The following PRKDC variants were observed in gnomAD, a reference collection of about 807,000 sequenced individuals.
PRKDC encodes DNA-dependent protein kinase catalytic subunit.
PRKDC carries 82 observed loss-of-function variants against 486.9 expected under a neutral mutation model. That is an observed-to-expected ratio of 0.17 (90% CI 0.14 to 0.20). The LOEUF is 0.20. Among genes scored for constraint, PRKDC ranks in the 10% least tolerant of loss-of-function variants. PRKDC has a pLI of 1.00. For synonymous variants in PRKDC, 1,895 were observed against 1,837.0 expected, an observed-to-expected ratio of 1.03 and a Z score of -0.81; for missense variants, 4,504 against 5,038.2, an observed-to-expected ratio of 0.89 and a Z score of 3.21.
chr8:47,862,503 T>C lies in PRKDC; in HGVS notation c.5789A>G (p.Glu1930Gly). Residue 1930 changes from glutamate (E) to glycine (G), a missense_variant, in exon 43 of 86, where the codon GAG becomes GGG. Coordinates refer to ENST00000314191, the MANE Select transcript of PRKDC (RefSeq NM_006904.7). The stretch of plus-strand genomic sequence containing the variant: ...TCTTCTCCTCTCCAGCAGCTGATTC[T>C]CTCCTGCCATGTTCTCTGTAAATGC... Reference protein sequence around the residue: ...YDAFTENMAGENQLLERRRLY... With the variant: ...YDAFTENMAGGNQLLERRRLY... The C allele has an allele frequency of 6.2e-7, 1 of 1,613,366 alleles. No individual in the cohort carries two copies. Among genetic ancestry groups the C allele is most frequent in the Non-Finnish European group, 8.5e-7 (1 of 1,179,560 alleles).
At chr8:47,898,703 C>A in intron 28 of PRKDC, 134 bp from the exon 29 acceptor site, 1 of 515,476 alleles carries the variant, frequency 1.9e-6, no homozygotes, top group East Asian at 3.2e-5. Context: ...ATGTTTTCAT[C>A]CCTAAGAATA....
chr8:47,774,858 G>A (rs906616423), intron 85 of PRKDC, among the ~76,000 whole-genome samples: 4 of 151,876 alleles, frequency 2.6e-5, no homozygotes, highest in Non-Finnish European at 4.4e-5. Context: ...GAACTCCCGG[G>A]CTCTAGTTAT....
At chr8:47,810,634 G>A (rs1306795720) in intron 68 of PRKDC, among the ~76,000 whole-genome samples, 1 of 152,124 alleles carries the variant, frequency 6.6e-6, no homozygotes, top group African/African-American at 2.4e-5. Context: ...GATCATACAA[G>A]GACCTTAAAG....
Position 47,951,426 on chromosome 8 carries a change from T to G in PRKDC, c.721+2194A>C, listed in dbSNP as rs145292671. 1.9e-4 allele frequency among the ~76,000 whole-genome samples: 28 copies of G among 150,946 alleles called. 3 individuals are homozygous for G. The highest frequency in any genetic ancestry group is 6.6e-4 in the African/African-American group (27 of 40,986). On this transcript the variant is annotated intron_variant, in intron 7 of 85. Transcript: ENST00000314191. Reference sequence around the variant, plus strand: ...TGCAACTCATGTATCATGTATCTGTTAAGAAACTGGTATCTGGCTAGGCAC... The same window carrying G: ...TGCAACTCATGTATCATGTATCTGTGAAGAAACTGGTATCTGGCTAGGCAC...
intron 7 of PRKDC, among the ~76,000 whole-genome samples, chr8:47,953,368 G>A (rs1280045286): frequency 2.6e-5 from 4 of 152,194 alleles, no homozygotes. Context: ...ACAAATGTGT[G>A]CACGTTAAAC....
chr8:47,828,068 G>T, intron 62 of PRKDC, 100 bp downstream of exon 62: 1 of 1,164,766 alleles, frequency 8.6e-7, no homozygotes, highest in East Asian at 2.5e-5. Context: ...TAAACACCAG[G>T]TTATCAAGAG....
At chr8:47,862,321 T>C in intron 43 of PRKDC, 52 bp downstream of exon 43, 2 of 1,536,268 alleles carry the variant, frequency 1.3e-6, no homozygotes, top group South Asian at 2.3e-5. Context: ...TGATATAATC[T>C]AACTTTTGAA....
chr8:47,932,382 C>CT (rs1162885997), intron 16 of PRKDC, among the ~76,000 whole-genome samples: 1 of 149,584 alleles, frequency 6.7e-6, no homozygotes, highest in East Asian at 2.0e-4. Context: ...CGCGCCTGGC[C>CT]TTTTTTTGTA....
chr8:47,816,692 A>G (rs1484904967), intron 68 of PRKDC, among the ~76,000 whole-genome samples: 1 of 152,202 alleles, frequency 6.6e-6, no homozygotes, highest in Non-Finnish European at 1.5e-5. Context: ...AGAAAAAAAT[A>G]CAAATACTAA....
chr8:47,953,924 A>G lies in PRKDC; in HGVS notation c.509-5T>C, dbSNP rs2090664039. 2 of 1,511,668 alleles carry G rather than the reference A, an allele frequency of 1.3e-6. No individual in the cohort carries two copies. The highest frequency in any genetic ancestry group is 1.8e-6 in the Non-Finnish European group (2 of 1,121,378). The allele number at this position is 1,511,668 out of a possible 1,614,324, so 93.6% of individuals were successfully genotyped here. A position where few individuals can be genotyped will look rare whatever the true frequency, so the allele number is the denominator to read the frequency against. On this transcript the variant is annotated splice_polypyrimidine_tract_variant and splice_region_variant and intron_variant, in intron 5 of 85. Transcript: ENST00000314191. ...GCTCATATACTTTTTCTAAAACTGA[A>G]AAGAAAATTTTAGACAAGTGAAGGC...
chr8:47,939,448 G>C, intron 11 of PRKDC, 103 bp downstream of exon 11: 2 of 1,313,968 alleles, frequency 1.5e-6, no homozygotes, highest in Non-Finnish European at 2.1e-6. Flanking sequence ...AGGGTCTACT[G>C]TATTGTTACA....
At chr8:47,944,075 C>T in intron 7 of PRKDC, 46 bp from the exon 8 acceptor site, 1 of 1,437,218 alleles carries the variant, frequency 7.0e-7, no homozygotes, top group Non-Finnish European at 9.6e-7. Flanking sequence ...ATAACAGTAT[C>T]ACATAACACA....
chr8:47,938,359 C>A (rs2090388600), intron 11 of PRKDC, among the ~76,000 whole-genome samples: 1 of 148,584 alleles, frequency 6.7e-6, no homozygotes, highest in Admixed American at 6.8e-5. Flanking sequence ...TGTGGTGAGC[C>A]GAGGTCATGC....
In PRKDC at chr8:47,821,646, G is replaced by A. The variant is rs372872388; in HGVS notation, c.9069C>T (p.Asn3023=). 11 of 1,602,632 alleles carry A rather than the reference G, an allele frequency of 6.9e-6. No homozygotes were observed. The highest frequency in any genetic ancestry group is 8.5e-7 in the Non-Finnish European group (1 of 1,173,680). Residue 3023 remains asparagine (N), a synonymous_variant, in exon 65 of 86, where the codon AAC becomes AAT. Transcript: ENST00000314191. Reference sequence around the variant, plus strand: ...TCCAGATTTTATTTAGGTCTGGGGGGTTCTCACTGTCTATACTGGCTGTAG... The same window carrying A: ...TCCAGATTTTATTTAGGTCTGGGGGATTCTCACTGTCTATACTGGCTGTAG... ...YCSTASIDSE[N]PPDLNKIWSE...
At chr8:47,927,569 T>C (rs1030849995) in intron 20 of PRKDC, among the ~76,000 whole-genome samples, 2 of 152,112 alleles carry the variant, frequency 1.3e-5, no homozygotes, top group Non-Finnish European at 2.9e-5. Context: ...CAGGTTTAAC[T>C]CTCACATCGA....
intron 40 of PRKDC, among the ~76,000 whole-genome samples, chr8:47,865,124 ACGCCTGTAAT>A (rs1563774357): frequency 9.2e-5 from 14 of 152,138 alleles, no homozygotes; most frequent in African/African-American, 3.4e-4. Context: ...GTGGTGGCTC[ACGCCTGTAAT>A]CCCAGCACTT....
Position 47,821,045 on chromosome 8 carries a change from G to T in PRKDC, c.9112-102C>A, listed in dbSNP as rs372572622. The T allele has an allele frequency of 7.0e-6, 5 of 711,852 alleles. No homozygotes were observed. In the African/African-American group the frequency reaches 7.2e-5, roughly 10 times the overall value. The allele number at this position is 711,852 out of a possible 1,614,324, so 44.1% of individuals were successfully genotyped here. ...TCTTTGCTATACTTTCACAGGTCAA[G>T]ATTTAAAGTCAAAGCGATGATGTTT... On this transcript the variant is annotated intron_variant, in intron 65 of 85. Transcript: ENST00000314191.
chr8:47,803,412 C>A lies in PRKDC; in HGVS notation c.9816G>T (p.Trp3272Cys). 6.2e-7 allele frequency: 1 copy of A among 1,613,982 alleles called. No individual in the cohort carries two copies. The highest frequency in any genetic ancestry group is 8.5e-7 in the Non-Finnish European group (1 of 1,179,890). Reference sequence around the variant, plus strand: ...AGTAGCTCTGCACCCAGCTCACCAGCCAATCGTCTCTGGTTTTTGACTCTT... The same window carrying A: ...AGTAGCTCTGCACCCAGCTCACCAGACAATCGTCTCTGGTTTTTGACTCTT... ...LHKESKTRDD[W>C]LVSWVQSYCR... The change falls in exon 70 of 86, where the codon TGG becomes TGT. Residue 3272 changes from tryptophan (W) to cysteine (C), a missense_variant. Coordinates refer to ENST00000314191, the MANE Select transcript of PRKDC (RefSeq NM_006904.7).
Position 47,864,681 on chromosome 8 carries a change from G to A in PRKDC, c.5446C>T (p.Arg1816Cys), listed in dbSNP as rs1329004745. 8.7e-6 allele frequency: 14 copies of A among 1,607,956 alleles called. No homozygotes were observed. The highest frequency in any genetic ancestry group is 1.7e-4 in the Middle Eastern group (1 of 5,994). ...RKDDPRLSFT[R>C]QSFVDRSLLT... The stretch of plus-strand genomic sequence containing the variant: ...AGGGAGCGGTCCACAAAGGACTGGC[G>A]TGTGAAACTTAGGCGGGGGTCATCC... The change falls in exon 41 of 86, where the codon CGC (arginine) becomes TGC (cysteine). Residue 1816 changes from arginine to cysteine, a missense_variant. This residue lies in a region of PRKDC where 1,969 missense variants were observed against 2,068.9 expected (regional missense o/e 0.95). Transcript: ENST00000314191.
Sources: allele counts gnomAD v4.1 joint callset (sites outside exome capture counted in the v4.1 genomes callset), GRCh38; gene constraint gnomAD v4.1.1; regional missense constraint gnomAD v4.1.1; transcripts MANE v1.5; gene names NCBI Gene and HGNC (gene_info 2026-07-23, HGNC 2026-07-21).